TENM3: variants seen among roughly 807,000 people sequenced by gnomAD.
TENM3 encodes teneurin transmembrane protein 3.
In TENM3, 63 loss-of-function variants were observed where a neutral mutation model predicts 255.1. The observed-to-expected ratio is 0.25, with a 90% CI of 0.20 to 0.30. The LOEUF is 0.30. Ranked by LOEUF, TENM3 falls within the 10% of genes least tolerant of loss-of-function variation. The pLI is 1.00. For synonymous variants in TENM3, 1,306 were observed against 1,322.3 expected (o/e 0.99, Z 0.27); for missense variants, 2,929 against 3,461.1 (o/e 0.85, Z 3.86).
chr4:182,787,014 A>C (rs975927674), intron 24 of TENM3, among the ~76,000 whole-genome samples: 2 of 152,180 alleles, frequency 1.3e-5, no homozygotes, highest in Non-Finnish European at 2.9e-5. Flanking sequence ...GCCATTTATC[A>C]CTTTGATACA....
At chr4:182,585,598 CTG>C (rs1745939944) in intron 3 of TENM3, among the ~76,000 whole-genome samples, 1 of 152,190 alleles carries the variant, frequency 6.6e-6, no homozygotes, top group Non-Finnish European at 1.5e-5. Flanking sequence ...CCAACCGACC[CTG>C]CCAGACCTTG....
chr4:182,041,521 C>T, the TENM3 span, among the ~76,000 whole-genome samples: 1 of 152,150 alleles, frequency 6.6e-6, no homozygotes, highest in Admixed American at 6.5e-5. Flanking sequence ...ATCATCTTTT[C>T]TGTATAACTG....
At chr4:181,462,016 G>A in the TENM3 span, among the ~76,000 whole-genome samples, 1 of 152,106 alleles carries the variant, frequency 6.6e-6, no homozygotes, top group Middle Eastern at 3.2e-3. Context: ...GCCTTGTCCT[G>A]GGTACAGTTC....
At chr4:182,738,011 T>G (rs1351314573) in intron 17 of TENM3, among the ~76,000 whole-genome samples, 1 of 152,066 alleles carries the variant, frequency 6.6e-6, no homozygotes, top group Non-Finnish European at 1.5e-5. Context: ...TTAACACTCT[T>G]GAGTGAAAAC....
At chr4:182,037,331 T>C in the TENM3 span, among the ~76,000 whole-genome samples, 1 of 152,096 alleles carries the variant, frequency 6.6e-6, no homozygotes, top group Non-Finnish European at 1.5e-5. Flanking sequence ...GTATTTTTAG[T>C]AGAGACGGGT....
the TENM3 span, among the ~76,000 whole-genome samples, chr4:181,885,202 C>T: frequency 5.3e-5 from 8 of 152,172 alleles, no homozygotes; most frequent in Non-Finnish European, 1.0e-4. Context: ...GAAATTTTCT[C>T]GCTCAGTCCC....
intron 1 of TENM3, among the ~76,000 whole-genome samples, chr4:182,217,770 G>T (rs1438085583): frequency 1.3e-5 from 2 of 152,142 alleles, no homozygotes; most frequent in African/African-American, 4.8e-5. Flanking sequence ...GCTATTTTGT[G>T]ATATTATTTG....
At chr4:182,183,458 G>A (rs912722720) in intron 1 of TENM3, among the ~76,000 whole-genome samples, 8 of 152,222 alleles carry the variant, frequency 5.3e-5, no homozygotes, top group East Asian at 1.9e-4. Context: ...TGATTCATTC[G>A]TATGCAGTTG....
rs775577650 is a variant in TENM3, at chr4:182,792,843, A to G, written c.6171A>G (p.Gly2057=). ...DDISGKVEQF[G]KFGVIYYDIN... is the part of the protein sequence containing the mutation. ...TTTCTGGCAAAGTTGAGCAGTTTGG[A>G]AAGTTTGGAGTTATATATTATGATA... is the stretch of plus-strand genomic sequence containing the variant. The change falls in exon 26 of 28, where the codon GGA becomes GGG. Residue 2057 remains glycine, a synonymous_variant. Transcript: ENST00000511685. The surrounding 1 kb of genome is among the most constrained non-coding windows in gnomAD (Gnocchi z 6.3). 1 of 1,613,824 alleles carries G rather than the reference A, an allele frequency of 6.2e-7. No individual in the cohort carries two copies. Among genetic ancestry groups the G allele is most frequent in the Non-Finnish European group, 8.5e-7 (1 of 1,179,790 alleles).
At chr4:182,554,056 G>T (rs1341655360) in intron 3 of TENM3, among the ~76,000 whole-genome samples, 2 of 152,176 alleles carry the variant, frequency 1.3e-5, no homozygotes, top group African/African-American at 4.8e-5. Context: ...AGACGCAAGT[G>T]TAAGTACGTA....
At chr4:181,553,380 A>G in the TENM3 span, among the ~76,000 whole-genome samples, 2 of 151,844 alleles carry the variant, frequency 1.3e-5, no homozygotes, top group Non-Finnish European at 2.9e-5. Context: ...TATTTTATGT[A>G]TATATCCAAG....
chr4:181,515,030 C>A, the TENM3 span, among the ~76,000 whole-genome samples: 1 of 152,180 alleles, frequency 6.6e-6, no homozygotes, highest in Non-Finnish European at 1.5e-5. Flanking sequence ...GGGCTGAAGT[C>A]CAAGTCAGTT....
intron 1 of TENM3, among the ~76,000 whole-genome samples, chr4:182,168,441 T>C (rs953732111): frequency 8.5e-5 from 13 of 152,196 alleles, no homozygotes; most frequent in Non-Finnish European, 1.9e-4. Context: ...AGCCCACATA[T>C]GTATTTTCTT....
the TENM3 span, among the ~76,000 whole-genome samples, chr4:182,095,868 TTAAAAA>T: frequency 1.1e-4 from 16 of 147,504 alleles, no homozygotes; most frequent in African/African-American, 3.7e-4. Flanking sequence ...CCATAAAAAC[TTAAAAA>T]TTAAAAAAGA....
intron 3 of TENM3, among the ~76,000 whole-genome samples, chr4:182,509,538 A>G (rs1202362432): frequency 2.6e-5 from 4 of 152,194 alleles, no homozygotes; most frequent in Admixed American, 6.5e-5. Flanking sequence ...TTACTTTCAC[A>G]TATATAATTA....
chr4:182,023,495 T>C, the TENM3 span, among the ~76,000 whole-genome samples: 12 of 152,324 alleles, frequency 7.9e-5, no homozygotes, highest in Middle Eastern at 3.4e-3. Flanking sequence ...AAGATATAAG[T>C]ACTCTGATTA....
the TENM3 span, among the ~76,000 whole-genome samples, chr4:181,510,303 G>T: frequency 2.0e-5 from 3 of 151,354 alleles, no homozygotes; most frequent in African/African-American, 7.3e-5. Flanking sequence ...CTGACCATTC[G>T]AACAAGTAGA....
the TENM3 span, among the ~76,000 whole-genome samples, chr4:181,485,200 CA>C: frequency 6.6e-6 from 1 of 152,010 alleles, no homozygotes; most frequent in South Asian, 2.1e-4. Context: ...AAACGTAAAT[CA>C]AAACAAATTA....
chr4:182,159,492 A>G (rs906596638), intron 1 of TENM3, among the ~76,000 whole-genome samples: 1 of 150,254 alleles, frequency 6.7e-6, no homozygotes, highest in African/African-American at 2.5e-5. Flanking sequence ...GTGTATCAGG[A>G]TGGTGCCACA....
Sources: gnomAD v4.1 joint callset for allele counts (sites outside exome capture counted in the v4.1 genomes callset) on GRCh38, gnomAD v4.1.1 for gene constraint, Gnocchi (gnomAD v3.1) non-coding constraint, MANE v1.5 for transcripts, NCBI Gene and HGNC (gene_info 2026-07-23, HGNC 2026-07-21) for gene names.